Variants in MBD5 observed in about 807,000 individuals in gnomAD.
MBD5 encodes the protein methyl-CpG-binding domain protein 5.
In MBD5, 13 loss-of-function variants were observed where a neutral mutation model predicts 117.3. That is an observed-to-expected ratio of 0.11 (90% CI 0.07 to 0.18). The LOEUF is 0.18. MBD5 is among the 10% of genes least tolerant of loss of function. The pLI is 1.00. For missense variants in MBD5, 1,879 were observed against 2,093.8 expected (o/e 0.90, Z 2.00); for synonymous variants, 727 against 766.4 (o/e 0.95, Z 0.85).
chr2:148,307,993 A>G (rs1050161845), intron 3 of MBD5, among the ~76,000 whole-genome samples: 2 of 152,172 alleles, frequency 1.3e-5, no homozygotes, highest in African/African-American at 4.8e-5. Context: ...ACAGCTGCAT[A>G]GTATTCCATG....
At chr2:148,397,934 G>C (rs1704784508) in intron 4 of MBD5, among the ~76,000 whole-genome samples, 1 of 152,108 alleles carries the variant, frequency 6.6e-6, no homozygotes. Context: ...ATAGTTTGCA[G>C]AGAATGATGG....
rs115149985 is a variant in MBD5 at position 148,392,413 on chromosome 2, T to G, written c.-557+50077T>G. Among the ~76,000 whole-genome samples the G allele has an allele frequency of 2.8e-3, 430 of 152,318 alleles. 3 individuals carry two copies. Among genetic ancestry groups the G allele is most frequent in the African/African-American group, 6.9e-3 (288 of 41,568 alleles). ...TGGAGTTGCTTGTTAAAAATACAGA[T>G]GCCAAAATGCTACCCTAGTCTTCTC... On this transcript the variant is annotated intron_variant, in intron 4 of 13. Transcript: ENST00000642680.
chr2:148,145,894 T>C (rs1697446332), intron 1 of MBD5, among the ~76,000 whole-genome samples: 1 of 152,186 alleles, frequency 6.6e-6, no homozygotes, highest in Admixed American at 6.5e-5. Context: ...ATCAGGGATA[T>C]TGGTCTAAAA....
At chr2:148,062,646 A>G (rs1695071104) in intron 1 of MBD5, 1 of 151,994 alleles carries the variant, frequency 6.6e-6, no homozygotes, top group Non-Finnish European at 1.5e-5. Context: ...TGGTTTAGGA[A>G]GTTTTAATAA....
At chr2:148,412,045 G>T (rs1000774893) in intron 4 of MBD5, among the ~76,000 whole-genome samples, 2 of 151,964 alleles carry the variant, frequency 1.3e-5, no homozygotes, top group African/African-American at 4.8e-5. Flanking sequence ...TATAAAGAAG[G>T]GGCTCAATAT....
intron 1 of MBD5, among the ~76,000 whole-genome samples, chr2:148,140,645 A>T (rs1177849843): frequency 1.3e-5 from 2 of 152,232 alleles, no homozygotes; most frequent in Non-Finnish European, 2.9e-5. Context: ...TGTCATACAA[A>T]GTACTTTTTT....
At chr2:148,191,642 A>G (rs1574115822) in intron 2 of MBD5, among the ~76,000 whole-genome samples, 1 of 65,954 alleles carries the variant, frequency 1.5e-5, no homozygotes, top group African/African-American at 6.5e-5. Flanking sequence ...CTAAATGCCT[A>G]CAAGAGAAAG....
At chr2:148,509,365 T>C (rs1259232100) in intron 12 of MBD5, among the ~76,000 whole-genome samples, 1 of 147,760 alleles carries the variant, frequency 6.8e-6, no homozygotes, top group Non-Finnish European at 1.5e-5. Context: ...ATGCACCGTG[T>C]GTGTTATTCG....
chr2:148,313,546 T>A (rs182016386), intron 3 of MBD5, among the ~76,000 whole-genome samples: 3 of 152,300 alleles, frequency 2.0e-5, no homozygotes, highest in African/African-American at 7.2e-5. Context: ...GCCACGAGAA[T>A]TTCAAGCCAG....
chr2:148,301,400 CA>C (rs1701773440), intron 3 of MBD5, among the ~76,000 whole-genome samples: 1 of 152,154 alleles, frequency 6.6e-6, no homozygotes, highest in Non-Finnish European at 1.5e-5. Flanking sequence ...GGGTTTTCAA[CA>C]ACCTTAATTC....
chr2:148,395,555 G>A (rs1704687437), intron 4 of MBD5, among the ~76,000 whole-genome samples: 1 of 151,362 alleles, frequency 6.6e-6, no homozygotes, highest in Admixed American at 6.6e-5. Context: ...CTCCCGAGTA[G>A]CTGGGATCAC....
intron 1 of MBD5, among the ~76,000 whole-genome samples, chr2:148,138,587 C>G (rs1473373454): frequency 6.6e-6 from 1 of 152,094 alleles, no homozygotes; most frequent in African/African-American, 2.4e-5. Flanking sequence ...TTATAGAACA[C>G]AAAATGAAGT....
At chr2:148,113,668 C>T (rs1286181920) in intron 1 of MBD5, among the ~76,000 whole-genome samples, 1 of 152,090 alleles carries the variant, frequency 6.6e-6, no homozygotes, top group Non-Finnish European at 1.5e-5. Flanking sequence ...AATGATGTGC[C>T]CATCACTTTG....
chr2:148,185,796 G>C (rs1698639683), intron 2 of MBD5, among the ~76,000 whole-genome samples: 2 of 152,112 alleles, frequency 1.3e-5, no homozygotes, highest in South Asian at 4.1e-4. Flanking sequence ...TGTAGTTCCA[G>C]CTATTCAAGA....
chr2:148,046,276 C>A (rs914382705), intron 1 of MBD5, among the ~76,000 whole-genome samples: 5 of 151,968 alleles, frequency 3.3e-5, no homozygotes, highest in Admixed American at 6.5e-5. Context: ...GCCACTGCAC[C>A]CAACCTTAAT....
At chr2:148,147,218 TTTTA>T (rs1369705982) in intron 1 of MBD5, among the ~76,000 whole-genome samples, 2 of 151,822 alleles carry the variant, frequency 1.3e-5, no homozygotes, top group East Asian at 1.9e-4. Flanking sequence ...AAACTGAACA[TTTTA>T]TTTATTTATT....
At chr2:148,474,756 T>G (rs1242611082) in intron 8 of MBD5, among the ~76,000 whole-genome samples, 1 of 152,180 alleles carries the variant, frequency 6.6e-6, no homozygotes, top group Non-Finnish European at 1.5e-5. Context: ...AAAGTTTTCT[T>G]TCAGCACAAA....
At chr2:148,106,842 TTC>T (rs1220890490) in intron 1 of MBD5, among the ~76,000 whole-genome samples, 4 of 152,008 alleles carry the variant, frequency 2.6e-5, no homozygotes, top group African/African-American at 4.8e-5. Flanking sequence ...ATTTATAGAT[TTC>T]TGTTTTATTC....
intron 2 of MBD5, among the ~76,000 whole-genome samples, chr2:148,231,840 G>A (rs967227659): frequency 2.0e-5 from 3 of 152,082 alleles, no homozygotes; most frequent in Admixed American, 6.6e-5. Context: ...TGGCTTCACC[G>A]GGATTGTGGG....
Sources: gnomAD v4.1 joint callset for allele counts (sites outside exome capture counted in the v4.1 genomes callset) on GRCh38, gnomAD v4.1.1 for gene constraint, MANE v1.5 for transcripts, NCBI Gene and HGNC (gene_info 2026-07-23, HGNC 2026-07-21) for gene names.